Variants in MARCO observed in about 807,000 individuals in gnomAD.
The protein encoded by MARCO is macrophage receptor MARCO.
A neutral mutation model predicts 70.0 loss-of-function variants in MARCO; 72 were observed. That is an observed-to-expected ratio of 1.03 (90% CI 0.85 to 1.25). The LOEUF is 1.25. MARCO is among the 50% of genes most tolerant of loss of function. MARCO has a pLI of 0.00. For synonymous variants in MARCO, 273 were observed against 243.1 expected (o/e 1.12, Z -1.14); for missense variants, 696 against 659.3 (o/e 1.06, Z -0.61).
intron 8 of MARCO, among the ~76,000 whole-genome samples, chr2:118,981,027 C>T (rs1680378088): frequency 6.6e-6 from 1 of 152,302 alleles, no homozygotes; most frequent in South Asian, 2.1e-4. Context: ...CTATTCTCAG[C>T]ATTTGGGATC....
In MARCO at chr2:118,993,104, A is replaced by G. The variant is rs200712640; in HGVS notation, c.1253-20A>G. The stretch of plus-strand genomic sequence containing the variant: ...CCAAGGGGCCTTCCTTGCCTCTCCC[A>G]TGTGTGTTTCTTCACCCAGGTGAAA... On this transcript the variant is annotated intron_variant, in intron 15 of 16. Coordinates refer to ENST00000327097, the MANE Select transcript of MARCO (RefSeq NM_006770.4). 50 of 1,613,268 alleles carry G rather than the reference A, an allele frequency of 3.1e-5. No individual in the cohort carries two copies. Among genetic ancestry groups the G allele is most frequent in the Non-Finnish European group, 4.1e-5 (48 of 1,179,416 alleles).
At chr2:118,992,500 T>C (rs775753886) in intron 15 of MARCO, 24 bp downstream of exon 15, 3 of 1,582,146 alleles carry the variant, frequency 1.9e-6, no homozygotes, top group Non-Finnish European at 2.6e-6. Context: ...ATATTATCTT[T>C]AATGTGTGCT....
At position 118,986,699 on chromosome 2, in the gene MARCO, AAG is replaced by A. The variant is rs1156250630; in HGVS notation, c.1064-3888_1064-3887del. Among the ~76,000 whole-genome samples the A allele has an allele frequency of 1.6e-4, 19 of 115,874 alleles. 2 individuals carry two copies. In the East Asian group the frequency reaches 2.8e-3, roughly 17 times the overall value. The allele number at this position is 115,874 out of a possible 152,430, so 76.0% of individuals were successfully genotyped here. On this transcript the variant is annotated intron_variant, in intron 12 of 16. Coordinates refer to ENST00000327097, the MANE Select transcript of MARCO (RefSeq NM_006770.4). ...AAAGAAAGAAAGAAAGAAAGAAAGAAAGAAAGAAAGAAAGAAAGAAAGAAAAG... is the reference window on the plus strand; with the variant it reads ...AAAGAAAGAAAGAAAGAAAGAAAGAAAAAGAAAGAAAGAAAGAAAGAAAAG...
At chr2:118,982,560 CT>C (rs1456568503) in intron 12 of MARCO, 150 bp downstream of exon 12, 16 of 739,638 alleles carry the variant, frequency 2.2e-5, no homozygotes, top group African/African-American at 2.1e-4. Flanking sequence ...GCAGTTGCCC[CT>C]GCCAGGACCC....
chr2:118,948,235 A>G (rs1679639987), intron 1 of MARCO, among the ~76,000 whole-genome samples: 1 of 152,210 alleles, frequency 6.6e-6, no homozygotes, highest in Admixed American at 6.5e-5. Flanking sequence ...CCACACCTGA[A>G]CAAAAGAAAA....
At chr2:118,991,935 A>G (rs1405871176) in intron 14 of MARCO, 60 bp downstream of exon 14, 2 of 1,191,516 alleles carry the variant, frequency 1.7e-6, no homozygotes, top group African/African-American at 3.1e-5. Context: ...CCAGTTCTGT[A>G]CCTTAAAATA....
In MARCO at chr2:118,994,549, C is replaced by A. The variant is rs376498558; in HGVS notation, c.*29C>A. On this transcript the variant is annotated 3_prime_UTR_variant, in exon 17 of 17. Coordinates refer to ENST00000327097, the MANE Select transcript of MARCO (RefSeq NM_006770.4). ...GGAAACCCTTTCACTTCTCTGCTCC[C>A]GAGGTGTCCTCGGGCTCATATGTGG... The A allele has an allele frequency of 1.9e-6, 3 of 1,545,842 alleles. No homozygotes were observed. The highest frequency in any genetic ancestry group is 1.3e-5 in the South Asian group (1 of 79,068).
chr2:118,971,718 C>A (rs912049204), intron 4 of MARCO, among the ~76,000 whole-genome samples, 184 bp downstream of exon 4: 4 of 152,220 alleles, frequency 2.6e-5, no homozygotes, highest in African/African-American at 9.6e-5. Flanking sequence ...GACTCCCAGA[C>A]CCTGGGCTGT....
At chr2:118,978,647 A>G (rs1680332909) in intron 8 of MARCO, among the ~76,000 whole-genome samples, 1 of 152,194 alleles carries the variant, frequency 6.6e-6, no homozygotes, top group Non-Finnish European at 1.5e-5. Context: ...CTAACGCAAT[A>G]CTTCACCCTT....
intron 1 of MARCO, among the ~76,000 whole-genome samples, chr2:118,962,027 G>C (rs534970252): frequency 2.6e-5 from 4 of 152,006 alleles, no homozygotes; most frequent in Non-Finnish European, 5.9e-5. Flanking sequence ...TCAGATGCTC[G>C]TAGACGTGCG....
chr2:118,970,394 G>A (rs541115344), intron 3 of MARCO, 56 bp downstream of exon 3: 43 of 1,367,942 alleles, frequency 3.1e-5, no homozygotes, highest in African/African-American at 5.7e-5. Flanking sequence ...GGGAGACAGC[G>A]GGATCAGGAA....
At chr2:118,977,573 G>A (rs1261850729) in intron 7 of MARCO, 58 bp downstream of exon 7, 2 of 1,488,874 alleles carry the variant, frequency 1.3e-6, no homozygotes, top group Admixed American at 1.7e-5. Context: ...CACTGAGGCA[G>A]TTCCCCCCCA....
At position 118,942,407 on chromosome 2, in the gene MARCO, G is replaced by A. The variant is rs191769023; in HGVS notation, c.97+10G>A. ...CCTTTCGAAATCAATGGTAAAGTAC[G>A]ATTCCCCAATAATGGAAATGACCAG... is the stretch of plus-strand genomic sequence containing the variant. On this transcript the variant is annotated intron_variant, in intron 1 of 16. Transcript: ENST00000327097. 2.1e-5 allele frequency: 33 copies of A among 1,591,100 alleles called. No homozygotes were observed. The highest frequency in any genetic ancestry group is 6.6e-5 in the South Asian group (6 of 90,574).
intron 1 of MARCO, among the ~76,000 whole-genome samples, chr2:118,947,055 A>G (rs1031479179): frequency 6.6e-6 from 1 of 151,962 alleles, no homozygotes; most frequent in African/African-American, 2.4e-5. Flanking sequence ...TATATATTCT[A>G]TATATAAGTC....
intron 6 of MARCO, 136 bp from the exon 7 acceptor site, chr2:118,977,335 A>T: frequency 1.4e-6 from 1 of 714,194 alleles, no homozygotes; most frequent in Non-Finnish European, 2.5e-6. Context: ...AGAGAGAGAG[A>T]GTGAGAGTGA....
chr2:118,946,691 G>C (rs929531531), intron 1 of MARCO, among the ~76,000 whole-genome samples: 10 of 152,192 alleles, frequency 6.6e-5, no homozygotes, highest in Non-Finnish European at 1.5e-4. Flanking sequence ...ATGTCCAAAA[G>C]TGTAATTGCT....
chr2:118,946,383 A>C (rs1231639061), intron 1 of MARCO, among the ~76,000 whole-genome samples: 1 of 152,094 alleles, frequency 6.6e-6, no homozygotes, highest in African/African-American at 2.4e-5. Flanking sequence ...CCATCTCTAT[A>C]ATTTTGCCAT....
At chr2:118,963,714 T>C (rs988676736) in intron 1 of MARCO, among the ~76,000 whole-genome samples, 5 of 152,222 alleles carry the variant, frequency 3.3e-5, no homozygotes, top group African/African-American at 1.2e-4. Flanking sequence ...TCTATTTCTT[T>C]TTTCAGTTAA....
At position 118,942,295 on chromosome 2, in the gene MARCO, T is replaced by C. The variant is rs1558825830; in HGVS notation, c.-6T>C. ...CCAGGACTTTGGCCATCTATAAAGC[T>C]TGGCAATGAGAAATAAGAAAATTCT... On this transcript the variant is annotated 5_prime_UTR_variant, in exon 1 of 17. Coordinates refer to ENST00000327097, the MANE Select transcript of MARCO (RefSeq NM_006770.4). 1 of 1,603,146 alleles carries C rather than the reference T, an allele frequency of 6.2e-7. No homozygotes were observed. The highest frequency in any genetic ancestry group is 2.2e-5 in the East Asian group (1 of 44,696).
Sources: gnomAD v4.1 joint callset for allele counts (sites outside exome capture counted in the v4.1 genomes callset) on GRCh38, gnomAD v4.1.1 for gene constraint, MANE v1.5 for transcripts, NCBI Gene and HGNC (gene_info 2026-07-23, HGNC 2026-07-21) for gene names.